BORCS5: variants seen among roughly 807,000 people sequenced by gnomAD.
The protein encoded by BORCS5 is BLOC-1 related complex subunit 5, also known as BLOC-1-related complex subunit 5.
A neutral mutation model predicts 22.1 loss-of-function variants in BORCS5; 17 were observed. That is an observed-to-expected ratio of 0.77 (90% CI 0.53 to 1.15). BORCS5 has a LOEUF of 1.15. Ranked by LOEUF, BORCS5 falls within the 50% of genes most tolerant of loss-of-function variation. BORCS5 has a pLI of 0.00. For missense variants in BORCS5, 247 were observed against 253.2 expected (o/e 0.98, Z 0.17); for synonymous variants, 117 against 99.8 (o/e 1.17, Z -1.03).
chr12:12,407,034 G>A (rs551094514), intron 2 of BORCS5, among the ~76,000 whole-genome samples: 2 of 152,240 alleles, frequency 1.3e-5, no homozygotes, highest in Non-Finnish European at 2.9e-5. Context: ...TTCCAGGCAA[G>A]TGGGACAAAG....
chr12:12,360,593 T>TC (rs1383946745), intron 1 of BORCS5, among the ~76,000 whole-genome samples: 1 of 118,000 alleles, frequency 8.5e-6, no homozygotes, highest in Non-Finnish European at 1.8e-5. Flanking sequence ...TTTTTTTTTT[T>TC]AGAGATAGGG....
chr12:12,438,385 A>AAAAACAC (rs1555156048), intron 3 of BORCS5, among the ~76,000 whole-genome samples: 2 of 126,112 alleles, frequency 1.6e-5, no homozygotes, highest in African/African-American at 6.6e-5. Context: ...AAAAAACGAA[A>AAAAACAC]AACAACAACA....
intron 3 of BORCS5, 103 bp downstream of exon 3, chr12:12,435,888 A>C: frequency 1.7e-6 from 2 of 1,185,150 alleles, no homozygotes; most frequent in Non-Finnish European, 2.3e-6. Context: ...TGCTTTGAGG[A>C]GATTGCTTTT....
chr12:12,465,850 T>A lies in BORCS5; in HGVS notation c.*74T>A. 3.0e-6 allele frequency: 4 copies of A among 1,318,398 alleles called. 1 individual carries two copies. The South Asian group carries it at 5.2e-5, about 17-fold the overall frequency. 81.7% of individuals were successfully genotyped at this position (1,318,398 alleles called of 1,614,324 possible). On this transcript the variant is annotated 3_prime_UTR_variant, in exon 4 of 4. Coordinates refer to ENST00000314565, the MANE Select transcript of BORCS5 (RefSeq NM_058169.6). ...GAGGACGTGTGGAGCTAAGGTCATA[T>A]CATCTGACCAGGTCTGGAGGCTGGC...
chr12:12,369,103 T>C lies in BORCS5; in HGVS notation c.202+7754T>C, dbSNP rs1863466400. On this transcript the variant is annotated intron_variant, in intron 2 of 3. Transcript: ENST00000314565. ...TTATTCCATTGGTTTCTACTTTGTG[T>C]GTTTTGAAAGTCTATTATTAGGCAT... Among the ~76,000 whole-genome samples, 4 of 152,124 alleles carry C rather than the reference T, an allele frequency of 2.6e-5. No individual in the cohort carries two copies. The South Asian group carries it at 6.2e-4, about 24-fold the overall frequency.
chr12:12,375,687 G>C (rs1863633481), intron 2 of BORCS5, among the ~76,000 whole-genome samples: 1 of 152,140 alleles, frequency 6.6e-6, no homozygotes, highest in African/African-American at 2.4e-5. Flanking sequence ...TCAAAATTCA[G>C]TTTCACAGAA....
chr12:12,384,126 A>G (rs1863830706), intron 2 of BORCS5, among the ~76,000 whole-genome samples: 1 of 151,742 alleles, frequency 6.6e-6, no homozygotes, highest in African/African-American at 2.4e-5. Context: ...TCTTATTTTT[A>G]AAAATTTTAT....
chr12:12,390,353 C>A (rs1476763727), intron 2 of BORCS5, among the ~76,000 whole-genome samples: 4 of 152,088 alleles, frequency 2.6e-5, no homozygotes, highest in African/African-American at 9.7e-5. Context: ...TTGATACAAT[C>A]TTTACATAGA....
chr12:12,424,717 T>C (rs919275175), intron 2 of BORCS5, among the ~76,000 whole-genome samples: 1 of 152,182 alleles, frequency 6.6e-6, no homozygotes, highest in African/African-American at 2.4e-5. Flanking sequence ...TTTGGTATTT[T>C]GATTGTTACA....
At chr12:12,465,270 T>A (rs58529509) in intron 3 of BORCS5, among the ~76,000 whole-genome samples, 28,061 of 152,172 alleles carry the variant, frequency 0.18, 3,859 homozygotes, top group African/African-American at 0.39. Flanking sequence ...TATAGGGAGA[T>A]AGAAATCTCA....
In BORCS5 at chr12:12,357,478, C is replaced by G. The variant is rs780582408; in HGVS notation, c.27C>G (p.Ala9=). The G allele has an allele frequency of 6.2e-7, 1 of 1,611,150 alleles. No homozygotes were observed. The highest frequency in any genetic ancestry group is 8.5e-7 in the Non-Finnish European group (1 of 1,177,646). Residue 9 remains alanine (A), a synonymous_variant, in exon 1 of 4, where the codon GCC becomes GCG. Transcript: ENST00000314565. The part of the protein sequence containing the change: MGSEQSSE[A]ESRPNDLNSS... Reference sequence around the variant, plus strand: ...TGGGCAGTGAGCAGAGCTCCGAGGCCGAGAGCCGACCCAACGATCTGAACT... The same window carrying G: ...TGGGCAGTGAGCAGAGCTCCGAGGCGGAGAGCCGACCCAACGATCTGAACT...
chr12:12,453,606 G>A lies in BORCS5; in HGVS notation c.361-11940G>A, dbSNP rs953669688. Among the ~76,000 whole-genome samples, 6 of 152,150 alleles carry A rather than the reference G, an allele frequency of 3.9e-5. No individual in the cohort carries two copies. The East Asian group carries it at 1.2e-3, about 29-fold the overall frequency. On this transcript the variant is annotated intron_variant, in intron 3 of 3. Transcript: ENST00000314565. ...GTCAGATTTAAAGAATAACCATGAT[G>A]CATTACTGGTATCTGTCGGGGGTCT...
intron 1 of BORCS5, 86 bp downstream of exon 1, chr12:12,357,595 C>A: frequency 1.4e-6 from 2 of 1,391,440 alleles, no homozygotes; most frequent in Non-Finnish European, 2.0e-6. Context: ...TCAGGGACTG[C>A]GGACGGGAAC....
intron 2 of BORCS5, among the ~76,000 whole-genome samples, chr12:12,385,497 C>A (rs1430510780): frequency 5.4e-5 from 8 of 149,182 alleles, no homozygotes; most frequent in Non-Finnish European, 1.2e-4. Context: ...CAGATTCTCA[C>A]TATTTTTACC....
chr12:12,445,331 G>A (rs766334872), intron 3 of BORCS5, among the ~76,000 whole-genome samples: 41 of 151,806 alleles, frequency 2.7e-4, no homozygotes, highest in Non-Finnish European at 4.4e-4. Flanking sequence ...GCGAGTCATC[G>A]TGCCTGCCTA....
intron 2 of BORCS5, among the ~76,000 whole-genome samples, chr12:12,377,138 C>G (rs1010160124): frequency 6.6e-6 from 1 of 151,198 alleles, no homozygotes; most frequent in African/African-American, 2.4e-5. Context: ...AAGCATTTAT[C>G]GTCACACCTC....
chr12:12,423,764 C>T (rs945508593), intron 2 of BORCS5, among the ~76,000 whole-genome samples: 2 of 152,142 alleles, frequency 1.3e-5, no homozygotes, highest in East Asian at 1.9e-4. Context: ...TCTCAGCTCA[C>T]TGCAACCTCT....
At chr12:12,438,385 A>AAAAAAAAAAAAAAAAAAAAACAC (rs1555156048) in intron 3 of BORCS5, among the ~76,000 whole-genome samples, 10 of 126,108 alleles carry the variant, frequency 7.9e-5, no homozygotes, top group African/African-American at 2.6e-4. Flanking sequence ...AAAAAACGAA[A>AAAAAAAAAAAAAAAAAAAAACAC]AACAACAACA....
intron 2 of BORCS5, among the ~76,000 whole-genome samples, chr12:12,396,639 G>T (rs910477305): frequency 1.3e-5 from 2 of 151,900 alleles, no homozygotes; most frequent in African/African-American, 4.8e-5. Context: ...GGAGTGGGGG[G>T]TGGGGGTTAT....
Sources: allele counts gnomAD v4.1 joint callset (sites outside exome capture counted in the v4.1 genomes callset), GRCh38; gene constraint gnomAD v4.1.1; transcripts MANE v1.5; gene names NCBI Gene and HGNC (gene_info 2026-07-23, HGNC 2026-07-21).